The following DGKH variants were observed in gnomAD, a reference collection of about 807,000 sequenced individuals.
The protein encoded by DGKH is DAG kinase eta.
In DGKH, 90 loss-of-function variants were observed where a neutral mutation model predicts 159.3. The ratio of observed to expected loss-of-function variants is 0.57; its 90% CI spans 0.48 to 0.67. DGKH has a LOEUF of 0.67. Among genes scored for constraint, DGKH ranks in the 30% least tolerant of loss-of-function variants. The pLI, the probability that DGKH is intolerant of heterozygous loss-of-function variation, is 0.00. For synonymous variants in DGKH, 536 were observed against 553.8 expected (o/e 0.97, Z 0.45); for missense variants, 1,181 against 1,506.1 (o/e 0.78, Z 3.57).
At chr13:42,210,483 C>A in intron 23 of DGKH, 119 bp from the exon 24 acceptor site, 2 of 968,580 alleles carry the variant, frequency 2.1e-6, no homozygotes, top group Non-Finnish European at 3.1e-6. Context: ...CTTTTTTATA[C>A]TTGTGATTTA....
chr13:42,164,632 G>T lies in DGKH; in HGVS notation c.856-699G>T, dbSNP rs540205341. ...ACAAGTACACAAACTAAATTGCCTG[G>T]GTCCTACTTAATAAGTTATCCTTGT... On this transcript the variant is annotated intron_variant, in intron 7 of 29. Transcript: ENST00000337343. 2.5e-3 allele frequency among the ~76,000 whole-genome samples: 380 copies of T among 152,226 alleles called. 1 individual carries two copies. Among genetic ancestry groups the T allele is most frequent in the African/African-American group, 8.7e-3 (360 of 41,534 alleles).
At position 42,226,179 on chromosome 13, in the gene DGKH, C is replaced by A. The variant is rs116057895; in HGVS notation, c.3574-2920C>A. Among the ~76,000 whole-genome samples, 14 of 151,894 alleles carry A rather than the reference C, an allele frequency of 9.2e-5. 1 individual carries two copies. In the South Asian group the frequency reaches 2.1e-3, roughly 23 times the overall value. On this transcript the variant is annotated intron_variant, in intron 29 of 29. Coordinates refer to ENST00000337343, the MANE Select transcript of DGKH (RefSeq NM_178009.5). ...TTTTCAAAAGAAGACATGTGGCCAA[C>A]AAACATATGAAAAAAAAGTTCAACA...
At chr13:42,181,051 C>T (rs964060681) in intron 13 of DGKH, among the ~76,000 whole-genome samples, 3 of 151,824 alleles carry the variant, frequency 2.0e-5, no homozygotes, top group African/African-American at 7.2e-5. Context: ...CCGAGGCGGG[C>T]GGATCACGAG....
chr13:42,204,585 C>T (rs1335493695), intron 20 of DGKH, among the ~76,000 whole-genome samples: 25 of 152,172 alleles, frequency 1.6e-4, no homozygotes, highest in Admixed American at 1.6e-3. Flanking sequence ...TGATGGTGAA[C>T]ATTTTTTGCA....
chr13:42,062,808 G>A (rs1338471134), intron 1 of DGKH, among the ~76,000 whole-genome samples: 2 of 152,188 alleles, frequency 1.3e-5, no homozygotes, highest in Admixed American at 6.5e-5. Flanking sequence ...TTGAATAAAT[G>A]GCATGTACTT....
At position 42,189,115 on chromosome 13, in the gene DGKH, G is replaced by A; in HGVS notation, c.1718G>A (p.Gly573Asp). The A allele has an allele frequency of 6.2e-7, 1 of 1,614,262 alleles. No homozygotes were observed. The highest frequency in any genetic ancestry group is 8.5e-7 in the Non-Finnish European group (1 of 1,180,044). The change falls in exon 15 of 30, where the codon GGC (glycine) becomes GAC (aspartate). Residue 573 changes from glycine (G) to aspartate (D), a missense_variant. Gly to Asp is a moderately conservative substitution (Grantham distance 94). Coordinates refer to ENST00000337343, the MANE Select transcript of DGKH (RefSeq NM_178009.5). ...TCCCAGGCTGCGCCTGTTCTCCCTG[G>A]CCTCAGCCCTCTCATTGTGGAAGAA... ...TDSQAAPVLP[G>D]LSPLIVEEDA...
At chr13:42,054,400 G>A (rs1881594837) in intron 1 of DGKH, among the ~76,000 whole-genome samples, 1 of 152,178 alleles carries the variant, frequency 6.6e-6, no homozygotes, top group Non-Finnish European at 1.5e-5. Flanking sequence ...GAAATGAGAA[G>A]CAAGTAGGAA....
chr13:42,139,198 A>G (rs1955477699), intron 3 of DGKH, among the ~76,000 whole-genome samples: 1 of 152,182 alleles, frequency 6.6e-6, no homozygotes, highest in South Asian at 2.1e-4. Flanking sequence ...GGTGAAGATA[A>G]GGTGTGGAAG....
intron 3 of DGKH, among the ~76,000 whole-genome samples, chr13:42,137,111 A>G (rs1594076114): frequency 1.3e-5 from 2 of 152,276 alleles, no homozygotes; most frequent in East Asian, 3.9e-4. Context: ...CAGTTAATAC[A>G]GTTTACTTCA....
Position 42,209,427 on chromosome 13 carries a change from G to T in DGKH, c.2812G>T (p.Val938Leu), listed in dbSNP as rs1315155247. 3.1e-6 allele frequency: 5 copies of T among 1,613,042 alleles called. No individual in the cohort carries two copies. The highest frequency in any genetic ancestry group is 1.7e-5 in the Admixed American group (1 of 59,752). Residue 938 changes from valine (V) to leucine (L), a missense_variant, in exon 23 of 30, where the codon GTG (valine) becomes TTG (leucine). This residue lies in a region of DGKH where 335 missense variants were observed against 495.2 expected (regional missense o/e 0.68). Coordinates refer to ENST00000337343, the MANE Select transcript of DGKH (RefSeq NM_178009.5). ...TCAGCCTCCAGGGATTATCAAAATT[G>T]TGCACAAAAACAGAGCACAAATGCT... ...WVQPPGIIKI[V>L]HKNRAQMLTR...
chr13:42,072,557 A>G (rs1225661276), intron 1 of DGKH, among the ~76,000 whole-genome samples: 1 of 152,192 alleles, frequency 6.6e-6, no homozygotes, highest in Non-Finnish European at 1.5e-5. Context: ...AAAAATGTTT[A>G]CCTTGCAAAG....
At chr13:42,092,421 G>T (rs2137750108) in intron 1 of DGKH, among the ~76,000 whole-genome samples, 1 of 152,202 alleles carries the variant, frequency 6.6e-6, no homozygotes, top group Middle Eastern at 3.4e-3. Context: ...GCCATGAAAA[G>T]AATGAAATTC....
rs973993413 is a variant in DGKH, at chr13:42,177,707, C to T, written c.1453-428C>T. ...GCCATTTTGGAGCTGCATGGTGGTA[C>T]TGCATTGTGGTTTTAGTTTCCATTT... On this transcript the variant is annotated intron_variant, in intron 12 of 29. Transcript: ENST00000337343. Among the ~76,000 whole-genome samples the T allele has an allele frequency of 5.9e-5, 9 of 152,244 alleles. No homozygotes were observed. In the South Asian group the frequency reaches 1.5e-3, roughly 25 times the overall value.
chr13:42,104,550 G>C (rs1954711707), intron 1 of DGKH, among the ~76,000 whole-genome samples: 1 of 152,192 alleles, frequency 6.6e-6, no homozygotes, highest in African/African-American at 2.4e-5. Context: ...ATAGGACCAG[G>C]TGTCTTTAAG....
At chr13:42,225,265 C>G in intron 29 of DGKH, 1 of 1,583,462 alleles carries the variant, frequency 6.3e-7, no homozygotes, top group South Asian at 1.1e-5. Context: ...AGGAAACAAA[C>G]TGATTGCATC....
intron 3 of DGKH, among the ~76,000 whole-genome samples, chr13:42,133,598 A>G (rs1955337204): frequency 1.3e-5 from 2 of 152,138 alleles, no homozygotes; most frequent in Admixed American, 1.3e-4. Context: ...CTGGAGGCTG[A>G]GATGGGAGGA....
intron 4 of DGKH, 34 bp downstream of exon 4, chr13:42,155,429 T>C (rs750939540): frequency 6.2e-5 from 98 of 1,590,858 alleles, no homozygotes; most frequent in Non-Finnish European, 8.3e-5. Flanking sequence ...TCTCGTGTTC[T>C]TAGGAAATAA....
intron 1 of DGKH, among the ~76,000 whole-genome samples, chr13:42,107,808 T>C (rs1407151865): frequency 2.0e-5 from 3 of 152,112 alleles, no homozygotes; most frequent in African/African-American, 7.2e-5. Context: ...GCTGTCTCTC[T>C]GAGCTTGTGC....
chr13:42,104,594 C>T (rs566235585), intron 1 of DGKH, among the ~76,000 whole-genome samples: 1 of 152,268 alleles, frequency 6.6e-6, no homozygotes, highest in African/African-American at 2.4e-5. Flanking sequence ...CTCATTTCCG[C>T]TCATGTCCTG....
Sources: allele counts gnomAD v4.1 joint callset (sites outside exome capture counted in the v4.1 genomes callset), GRCh38; gene constraint gnomAD v4.1.1; regional missense constraint gnomAD v4.1.1; transcripts MANE v1.5; gene names NCBI Gene and HGNC (gene_info 2026-07-23, HGNC 2026-07-21).